SOX5: variants seen among roughly 807,000 people sequenced by gnomAD.
SOX5 encodes the protein transcription factor SOX-5.
A neutral mutation model predicts 92.0 loss-of-function variants in SOX5; 9 were observed. The observed-to-expected ratio is 0.10, with a 90% CI of 0.06 to 0.17. The LOEUF (loss-of-function observed/expected upper bound fraction) is 0.17, where lower values mean the gene tolerates loss of function less well. SOX5 is among the 10% of genes least tolerant of loss of function. The pLI is 1.00. For synonymous variants in SOX5, 344 were observed against 336.3 expected (o/e 1.02, Z -0.25); for missense variants, 642 against 944.5 (o/e 0.68, Z 4.20).
chr12:23,883,645 C>T (rs551500751), intron 2 of SOX5, among the ~76,000 whole-genome samples: 1 of 152,202 alleles, frequency 6.6e-6, no homozygotes, highest in African/African-American at 2.4e-5. Context: ...TAGACAAGAT[C>T]ACACACATTG....
chr12:24,114,238 T>C (rs572101810), intron 4 of SOX5, among the ~76,000 whole-genome samples: 1 of 152,126 alleles, frequency 6.6e-6, no homozygotes, highest in African/African-American at 2.4e-5. Context: ...AGAAGCAGAA[T>C]GCAGGGAAGA....
At chr12:23,978,221 A>C (rs1315228181) in intron 4 of SOX5, among the ~76,000 whole-genome samples, 1 of 152,230 alleles carries the variant, frequency 6.6e-6, no homozygotes, top group Non-Finnish European at 1.5e-5. Flanking sequence ...TCAATGTCCA[A>C]AAATTTGTCT....
chr12:24,416,632 G>T (rs1426847460), intron 1 of SOX5, among the ~76,000 whole-genome samples: 1 of 152,164 alleles, frequency 6.6e-6, no homozygotes, highest in African/African-American at 2.4e-5. Context: ...AGGAACTAGA[G>T]GCACCGAGTA....
chr12:23,736,883 C>T (rs1046111198), intron 5 of SOX5, among the ~76,000 whole-genome samples: 6 of 151,694 alleles, frequency 4.0e-5, no homozygotes, highest in East Asian at 3.9e-4. Flanking sequence ...ACTAGAGACA[C>T]GGTTTCACCA....
intron 4 of SOX5, among the ~76,000 whole-genome samples, chr12:24,149,843 T>C (rs2138810069): frequency 6.6e-6 from 1 of 152,266 alleles, no homozygotes; most frequent in South Asian, 2.1e-4. Context: ...TAATAAAGAA[T>C]GTATTATGTG....
In SOX5 at chr12:23,896,043, GAGAA is replaced by G; in HGVS notation, c.39-23_39-20del. ...AGACATCCTGGAAGGAACAAAAGAG[GAGAA>G]AATAATGAAACCTCCACATAAATCC... On this transcript the variant is annotated intron_variant, in intron 1 of 14. Coordinates refer to ENST00000451604, the MANE Select transcript of SOX5 (RefSeq NM_006940.6). The G allele has an allele frequency of 6.5e-7, 1 of 1,544,496 alleles. No individual in the cohort carries two copies. The highest frequency in any genetic ancestry group is 2.2e-5 in the East Asian group (1 of 44,480).
chr12:24,290,542 C>A (rs963805386), intron 2 of SOX5, among the ~76,000 whole-genome samples: 2 of 152,116 alleles, frequency 1.3e-5, no homozygotes, highest in African/African-American at 4.8e-5. Flanking sequence ...GCAAAGGCTA[C>A]ACAACTGGTC....
intron 1 of SOX5, among the ~76,000 whole-genome samples, chr12:24,375,004 G>T (rs946093052): frequency 6.6e-6 from 1 of 151,926 alleles, no homozygotes; most frequent in African/African-American, 2.4e-5. Flanking sequence ...ACAGAGTCTT[G>T]CTCTGTCACC....
chr12:23,708,942 C>A (rs2091754343), intron 6 of SOX5, among the ~76,000 whole-genome samples: 3 of 152,178 alleles, frequency 2.0e-5, no homozygotes, highest in Admixed American at 1.3e-4. Flanking sequence ...CTACACTTCA[C>A]ATTACATTTA....
At chr12:23,680,325 C>CAAAAAAAAAAAAAAAAAAAAA (rs57754255) in intron 6 of SOX5, among the ~76,000 whole-genome samples, 2 of 48,386 alleles carry the variant, frequency 4.1e-5, no homozygotes, top group Admixed American at 2.6e-4. Context: ...GACCTTGTCT[C>CAAAAAAAAAAAAAAAAAAAAA]AAAAAAAAAA....
intron 9 of SOX5, among the ~76,000 whole-genome samples, chr12:23,585,053 C>A (rs1011348537): frequency 6.6e-6 from 1 of 152,020 alleles, no homozygotes; most frequent in East Asian, 1.9e-4. Context: ...TAATCAATAA[C>A]TAACTCGATA....
chr12:24,332,537 C>A (rs1027763862), intron 2 of SOX5, among the ~76,000 whole-genome samples: 1 of 151,332 alleles, frequency 6.6e-6, no homozygotes, highest in African/African-American at 2.4e-5. Context: ...ATCAAGAGAC[C>A]TAACATAACA....
At chr12:24,150,914 C>G (rs112229015) in intron 4 of SOX5, among the ~76,000 whole-genome samples, 2,046 of 150,992 alleles carry the variant, frequency 0.014, 54 homozygotes, top group African/African-American at 0.048. Context: ...ATCAATGAAA[C>G]AAAGGCTTTG....
intron 7 of SOX5, among the ~76,000 whole-genome samples, chr12:23,659,594 G>C (rs2082752958): frequency 1.3e-5 from 2 of 152,182 alleles, no homozygotes; most frequent in Non-Finnish European, 2.9e-5. Context: ...AGCCAAAACA[G>C]TGACTAACTA....
At chr12:24,348,873 T>C (rs1422067202) in intron 2 of SOX5, among the ~76,000 whole-genome samples, 1 of 152,154 alleles carries the variant, frequency 6.6e-6, no homozygotes, top group Non-Finnish European at 1.5e-5. Context: ...AAAGGGCAGT[T>C]TCCCTACACA....
At chr12:24,155,880 G>A (rs1019273998) in intron 4 of SOX5, among the ~76,000 whole-genome samples, 8 of 152,152 alleles carry the variant, frequency 5.3e-5, no homozygotes, top group African/African-American at 1.9e-4. Flanking sequence ...GAGAGGTTAG[G>A]AGGAACAGTA....
chr12:23,836,226 C>T (rs1356347575), intron 3 of SOX5, among the ~76,000 whole-genome samples: 4 of 151,670 alleles, frequency 2.6e-5, no homozygotes, highest in South Asian at 2.1e-4. Context: ...GAAGACCAAC[C>T]GATAGACCAT....
chr12:24,141,536 G>T (rs1221045504), intron 4 of SOX5, among the ~76,000 whole-genome samples: 1 of 152,124 alleles, frequency 6.6e-6, no homozygotes, highest in Non-Finnish European at 1.5e-5. Context: ...TGCCTAGCAG[G>T]GTCTCTTGTT....
At chr12:23,565,402 C>T (rs1946900186) in intron 10 of SOX5, among the ~76,000 whole-genome samples, 1 of 152,076 alleles carries the variant, frequency 6.6e-6, no homozygotes, top group African/African-American at 2.4e-5. Context: ...TGCTCTAACC[C>T]CTGTTTATAC....
Sources: gnomAD v4.1 joint callset for allele counts (sites outside exome capture counted in the v4.1 genomes callset) on GRCh38, gnomAD v4.1.1 for gene constraint, MANE v1.5 for transcripts, NCBI Gene and HGNC (gene_info 2026-07-23, HGNC 2026-07-21) for gene names.